ZSWIM4: variants seen among roughly 807,000 people sequenced by gnomAD.
ZSWIM4 encodes zinc finger SWIM-type containing 4.
ZSWIM4 carries 62 observed loss-of-function variants against 102.5 expected under a neutral mutation model. The ratio of observed to expected loss-of-function variants is 0.60; its 90% CI spans 0.49 to 0.75. ZSWIM4 has a LOEUF of 0.75. Ranked by LOEUF, ZSWIM4 falls within the 30% of genes least tolerant of loss-of-function variation. The pLI, the probability that ZSWIM4 is intolerant of heterozygous loss-of-function variation, is 0.00. For missense variants in ZSWIM4, 1,280 were observed against 1,529.6 expected (o/e 0.84, Z 2.72); for synonymous variants, 652 against 674.5 (o/e 0.97, Z 0.52).
chr19:13,800,213 C>T (rs1974726192), intron 2 of ZSWIM4, among the ~76,000 whole-genome samples: 3 of 137,098 alleles, frequency 2.2e-5, no homozygotes, highest in Admixed American at 7.4e-5. Context: ...TACAGGCGCC[C>T]GCCACCGCGC....
chr19:13,801,837 A>G (rs1974778578), intron 2 of ZSWIM4, among the ~76,000 whole-genome samples: 4 of 151,080 alleles, frequency 2.6e-5, no homozygotes, highest in South Asian at 2.1e-4. Context: ...ATGCCTGGCT[A>G]ATTTTTGTAT....
Position 13,825,228 on chromosome 19 carries a change from C to T in ZSWIM4, c.2216-322C>T, listed in dbSNP as rs571539250. Among the ~76,000 whole-genome samples, 3 of 152,114 alleles carry T rather than the reference C, an allele frequency of 2.0e-5. No homozygotes were observed. Among genetic ancestry groups the T allele is most frequent in the Admixed American group, 1.3e-4 (2 of 15,254 alleles). On this transcript the variant is annotated intron_variant, in intron 11 of 13. Transcript: ENST00000590508. This position sits in a 1 kb window ranked among gnomAD's most constrained non-coding sequence, Gnocchi z 4.6. The stretch of plus-strand genomic sequence containing the variant: ...CTAATTTTTGTAGATGGGGTTTCGC[C>T]ATGTTGGCCAGGCTGGTCTCAAACT...
In ZSWIM4 at chr19:13,813,474, AAGG is replaced by A. The variant is rs560831312; in HGVS notation, c.1180+315_1180+317del. On this transcript the variant is annotated intron_variant, in intron 6 of 13. Transcript: ENST00000590508. ...CCAAAGAGAGGATGAGAGAGGAAAA[AAGG>A]AGGAATCAAACAGAAGGGGAAAGTG... 3.2e-3 allele frequency among the ~76,000 whole-genome samples: 493 copies of A among 152,088 alleles called. 2 individuals carry two copies. Among genetic ancestry groups the A allele is most frequent in the Middle Eastern group, 6.8e-3 (2 of 294 alleles).
chr19:13,817,163 C>T, intron 7 of ZSWIM4, 53 bp from the exon 8 acceptor site: 1 of 1,568,090 alleles, frequency 6.4e-7, no homozygotes, highest in Non-Finnish European at 8.7e-7. Context: ...ATCCCTCCCT[C>T]CTAGAGACTT....
intron 13 of ZSWIM4, 102 bp downstream of exon 13, chr19:13,828,828 C>G: frequency 8.8e-7 from 1 of 1,133,876 alleles, no homozygotes; most frequent in South Asian, 1.4e-5. Flanking sequence ...TGGCGGGGTG[C>G]GGTGGCTCAC....
Position 13,814,903 on chromosome 19 carries a change from T to A in ZSWIM4, c.1531+38T>A, listed in dbSNP as rs939560042. Reference sequence around the variant, plus strand: ...CGGGCACGGGGGCTCGCACCTGTGATCCCAGCACATTGGGAGTCCGAGGTG... The same window carrying A: ...CGGGCACGGGGGCTCGCACCTGTGAACCCAGCACATTGGGAGTCCGAGGTG... On this transcript the variant is annotated intron_variant, in intron 7 of 13. Coordinates refer to ENST00000590508, the MANE Select transcript of ZSWIM4 (RefSeq NM_001367834.3). 4.9e-5 allele frequency: 57 copies of A among 1,163,024 alleles called. 1 individual carries two copies. In the African/African-American group the frequency reaches 8.6e-4, roughly 18 times the overall value. The allele number at this position is 1,163,024 out of a possible 1,614,324, so 72.0% of individuals were successfully genotyped here.
chr19:13,809,150 G>A lies in ZSWIM4; in HGVS notation c.942G>A (p.Thr314=), dbSNP rs151146714. ...TGACCGAGCAGTTCCTGCAGGACACGCGCCTGGCCCTGTGGCGGCAGCAGG... is the reference window on the plus strand; with the variant it reads ...TGACCGAGCAGTTCCTGCAGGACACACGCCTGGCCCTGTGGCGGCAGCAGG... ...ILMTEQFLQD[T]RLALWRQQGA... The change falls in exon 5 of 14, where the codon ACG becomes ACA. Residue 314 remains threonine (T), a synonymous_variant. Transcript: ENST00000590508. This position sits in a 1 kb window ranked among gnomAD's most constrained non-coding sequence, Gnocchi z 4.2. The A allele has an allele frequency of 8.2e-5, 133 of 1,613,662 alleles. No homozygotes were observed. The African/African-American group carries it at 1.5e-3, about 18-fold the overall frequency.
chr19:13,828,037 G>C (rs113917348), intron 12 of ZSWIM4, among the ~76,000 whole-genome samples: 6,608 of 152,238 alleles, frequency 0.043, 471 homozygotes, highest in African/African-American at 0.15. Context: ...GTGATATTAA[G>C]AGCTGACATT....
At chr19:13,813,785 G>A (rs1236609532) in intron 6 of ZSWIM4, among the ~76,000 whole-genome samples, 2 of 151,626 alleles carry the variant, frequency 1.3e-5, no homozygotes, top group African/African-American at 4.8e-5. Context: ...GCTGGGTGTT[G>A]TGACGCACAC....
chr19:13,808,740 CAAAAAAA>C (rs755959483), intron 3 of ZSWIM4, 89 bp from the exon 4 acceptor site: 370 of 834,320 alleles, frequency 4.4e-4, no homozygotes, highest in East Asian at 5.6e-4. Context: ...ACTCCGTCTC[CAAAAAAA>C]AAAAAAAAAA....
rs754035228 is a variant in ZSWIM4, at chr19:13,828,686, G to A, written c.2421G>A (p.Arg807=). 3.1e-6 allele frequency: 5 copies of A among 1,614,060 alleles called. No homozygotes were observed. The highest frequency in any genetic ancestry group is 4.2e-6 in the Non-Finnish European group (5 of 1,180,032). The change falls in exon 13 of 14, where the codon AGG becomes AGA. Residue 807 remains arginine (R), a synonymous_variant. Coordinates refer to ENST00000590508, the MANE Select transcript of ZSWIM4 (RefSeq NM_001367834.3). The part of the protein sequence containing the change: ...MTLNVMTWRR[R]EMVRWLVSCA... ...TGAACGTAATGACCTGGCGGCGGAG[G>A]GAGATGGTGCGCTGGCTGGTCAGCT...
At chr19:13,797,260 T>C (rs1027001124) in intron 1 of ZSWIM4, among the ~76,000 whole-genome samples, 4 of 152,154 alleles carry the variant, frequency 2.6e-5, no homozygotes, top group Admixed American at 2.6e-4. Flanking sequence ...AGCCAGGGAA[T>C]AGCAAGTCCA....
In ZSWIM4 at chr19:13,832,120, C is replaced by T. The variant is rs1599624327; in HGVS notation, c.*1070C>T. The stretch of plus-strand genomic sequence containing the variant: ...TTTATTGAACGGTGTATTACATGTC[C>T]TTTTCCTTTTTTTTTTTCAAAGATT... On this transcript the variant is annotated 3_prime_UTR_variant, in exon 14 of 14. Transcript: ENST00000590508. The T allele has an allele frequency of 1.4e-5, 2 of 138,412 alleles. No homozygotes were observed. Among genetic ancestry groups the T allele is most frequent in the Admixed American group, 7.7e-5 (1 of 12,972 alleles). The allele number at this position is 138,412 out of a possible 1,614,324, so 8.6% of individuals were successfully genotyped here.
Position 13,825,762 on chromosome 19 carries a change from GGACT to G in ZSWIM4, c.2379+55_2379+58del, listed in dbSNP as rs766329196. 15 of 1,567,428 alleles carry G rather than the reference GGACT, an allele frequency of 9.6e-6. No homozygotes were observed. The highest frequency in any genetic ancestry group is 2.3e-5 in the East Asian group (1 of 44,142). ...GGAGGGCGATGGTGGCTCGGGGCCA[GGACT>G]GACTGTGAGCTGCGCCTCCCGGGGC... On this transcript the variant is annotated intron_variant, in intron 12 of 13. Coordinates refer to ENST00000590508, the MANE Select transcript of ZSWIM4 (RefSeq NM_001367834.3). The surrounding 1 kb of genome is among the most constrained non-coding windows in gnomAD (Gnocchi z 4.6).
intron 3 of ZSWIM4, among the ~76,000 whole-genome samples, chr19:13,806,866 A>G (rs984806514): frequency 6.6e-6 from 1 of 151,988 alleles, no homozygotes; most frequent in African/African-American, 2.4e-5. Flanking sequence ...GAAGGTTCAC[A>G]TATGTGGATC....
intron 11 of ZSWIM4, among the ~76,000 whole-genome samples, chr19:13,824,779 A>G (rs1346576923): frequency 6.9e-6 from 1 of 144,018 alleles, no homozygotes; most frequent in African/African-American, 2.6e-5. Context: ...ATAATAATAA[A>G]AGCTAACATT....
intron 10 of ZSWIM4, among the ~76,000 whole-genome samples, chr19:13,822,927 C>T (rs967162693): frequency 1.3e-4 from 19 of 150,500 alleles, no homozygotes; most frequent in African/African-American, 3.9e-4. Flanking sequence ...TGCAGTGAGC[C>T]GAGATTGCGC....
chr19:13,818,112 C>T (rs1332975424), intron 9 of ZSWIM4, 136 bp downstream of exon 9: 1 of 1,361,316 alleles, frequency 7.3e-7, no homozygotes, highest in Non-Finnish European at 9.5e-7. Flanking sequence ...TGATACTGTC[C>T]CCTCATACCT....
rs1177042928 is a variant in ZSWIM4, at chr19:13,795,496, T to C, written c.-153T>C. On this transcript the variant is annotated 5_prime_UTR_variant, in exon 1 of 14. Transcript: ENST00000590508. Reference sequence around the variant, plus strand: ...CATCACCCTGCCGGCCCGGCGCGGGTCGGGGGTGGGTGCGGTAGGGGTCCC... The same window carrying C: ...CATCACCCTGCCGGCCCGGCGCGGGCCGGGGGTGGGTGCGGTAGGGGTCCC... The C allele has an allele frequency of 2.9e-5, 6 of 207,004 alleles. No individual in the cohort carries two copies. The highest frequency in any genetic ancestry group is 5.7e-5 in the Non-Finnish European group (6 of 106,108). The allele number at this position is 207,004 out of a possible 1,614,324, so 12.8% of individuals were successfully genotyped here.
Sources: gnomAD v4.1 joint callset for allele counts (sites outside exome capture counted in the v4.1 genomes callset) on GRCh38, gnomAD v4.1.1 for gene constraint, Gnocchi (gnomAD v3.1) non-coding constraint, MANE v1.5 for transcripts, NCBI Gene and HGNC (gene_info 2026-07-23, HGNC 2026-07-21) for gene names.